HDX: variants seen among roughly 807,000 people sequenced by gnomAD.
HDX encodes chromosome X open reading frame 43.
HDX carries 19 observed loss-of-function variants against 45.2 expected under a neutral mutation model. The observed-to-expected ratio is 0.42, with a 90% CI of 0.29 to 0.62. The LOEUF is 0.62. HDX is among the 20% of genes least tolerant of loss of function. The pLI, the probability that HDX is intolerant of heterozygous loss-of-function variation, is 0.20. For synonymous variants in HDX, 188 were observed against 172.8 expected (o/e 1.09, Z -0.69); for missense variants, 532 against 493.9 (o/e 1.08, Z -0.73).
chrX:84,390,271 A>G (rs1416885273), intron 5 of HDX, among the ~76,000 whole-genome samples: 1 of 111,508 alleles, frequency 9.0e-6, no homozygotes. Context: ...GTTTTAAAGT[A>G]TACAGTTTTA....
intron 3 of HDX, among the ~76,000 whole-genome samples, chrX:84,473,849 T>C (rs2040496376): frequency 9.0e-6 from 1 of 111,495 alleles, no homozygotes; most frequent in African/African-American, 3.3e-5. Flanking sequence ...CATCAACCCA[T>C]TTTATATTAC....
chrX:84,384,935 C>A (rs5922982), intron 5 of HDX, among the ~76,000 whole-genome samples: 12,080 of 109,321 alleles, frequency 0.11, 625 homozygotes, highest in East Asian at 0.26. Flanking sequence ...TGTAGCCTTA[C>A]AGTATTGTCT....
chrX:84,500,253 G>A (rs771719781), intron 1 of HDX: 1 of 110,187 alleles, frequency 9.1e-6, no homozygotes, highest in East Asian at 2.9e-4. Flanking sequence ...GCTTTCACAT[G>A]TATACAGTTC....
intron 5 of HDX, chrX:84,440,304 G>A: frequency 3.4e-6 from 1 of 291,800 alleles, no homozygotes. Context: ...TTTTAAAACT[G>A]AGAAAACTGC....
chrX:84,434,934 A>G (rs1019546746), intron 5 of HDX, among the ~76,000 whole-genome samples: 2 of 110,544 alleles, frequency 1.8e-5, no homozygotes, highest in African/African-American at 6.6e-5. Flanking sequence ...CATTTCTTTC[A>G]GGTTTTCTAA....
intron 2 of HDX, among the ~76,000 whole-genome samples, chrX:84,487,566 T>C (rs1260663046): frequency 2.7e-5 from 3 of 112,144 alleles, no homozygotes; most frequent in Non-Finnish European, 3.8e-5. Flanking sequence ...GGTGGTGGTT[T>C]CAATGTCAAT....
intron 2 of HDX, among the ~76,000 whole-genome samples, chrX:84,476,544 CAAA>C (rs376973856): frequency 1.8e-4 from 7 of 38,061 alleles, no homozygotes; most frequent in African/African-American, 6.0e-4. Flanking sequence ...AACTCTGTCT[CAAA>C]AAAAAAAAAA....
chrX:84,490,419 A>T (rs1869423487), intron 1 of HDX, among the ~76,000 whole-genome samples: 1 of 111,747 alleles, frequency 8.9e-6, no homozygotes, highest in African/African-American at 3.2e-5. Flanking sequence ...TTATTGCTAC[A>T]CATTTTGCTT....
intron 5 of HDX, among the ~76,000 whole-genome samples, chrX:84,437,969 C>T (rs998672280): frequency 8.1e-5 from 9 of 111,159 alleles, no homozygotes; most frequent in Non-Finnish European, 1.5e-4. Context: ...TTATTGTCAG[C>T]AAAACTTCCA....
chrX:84,364,491 CTTTTTT>C (rs1169466223), intron 5 of HDX, among the ~76,000 whole-genome samples: 1 of 48,236 alleles, frequency 2.1e-5, no homozygotes, highest in Non-Finnish European at 3.4e-5. Flanking sequence ...AGTTATTCAC[CTTTTTT>C]TTTTTTTTTT....
intron 8 of HDX, among the ~76,000 whole-genome samples, 197 bp downstream of exon 8, chrX:84,336,604 A>G (rs764238384): frequency 9.0e-6 from 1 of 111,728 alleles, no homozygotes; most frequent in East Asian, 2.8e-4. Flanking sequence ...CAATCAAAAA[A>G]TTAGTGATAC....
At chrX:84,361,256 A>C (rs2037616024) in intron 6 of HDX, among the ~76,000 whole-genome samples, 1 of 111,482 alleles carries the variant, frequency 9.0e-6, no homozygotes, top group East Asian at 2.8e-4. Flanking sequence ...AAATTGGGTT[A>C]TTTGCAATTT....
chrX:84,440,485 AGCAC>A, intron 5 of HDX, 43 bp downstream of exon 5: 1 of 903,785 alleles, frequency 1.1e-6, no homozygotes, highest in Non-Finnish European at 1.6e-6. Context: ...TTTTACTAAC[AGCAC>A]AAGGGGAAAC....
chrX:84,420,332 C>A (rs974449815), intron 5 of HDX, among the ~76,000 whole-genome samples: 1 of 111,493 alleles, frequency 9.0e-6, no homozygotes, highest in Non-Finnish European at 1.9e-5. Flanking sequence ...CTGAAAAATG[C>A]AATGGGCATA....
chrX:84,319,957 T>A lies in HDX; in HGVS notation c.*1932A>T, dbSNP rs952104107. 2.7e-5 allele frequency: 3 copies of A among 110,940 alleles called. No individual in the cohort carries two copies. Among genetic ancestry groups the A allele is most frequent in the Non-Finnish European group, 5.7e-5 (3 of 52,508 alleles). The allele number at this position is 110,940 out of a possible 1,213,427, so 9.1% of individuals were successfully genotyped here. ...CTGTAGGAGAGAATATACCTATAGT[T>A]AATTTGCAATGAGAACCAAATAAGA... is the stretch of plus-strand genomic sequence containing the variant. On this transcript the variant is annotated 3_prime_UTR_variant, in exon 11 of 11. Transcript: ENST00000373177.
At chrX:84,391,260 G>A (rs1039696239) in intron 5 of HDX, among the ~76,000 whole-genome samples, 4 of 111,196 alleles carry the variant, frequency 3.6e-5, no homozygotes, top group Non-Finnish European at 7.6e-5. Context: ...TTCCATCCAC[G>A]TTGCTGCAAA....
At chrX:84,352,502 G>A (rs1429329465) in intron 6 of HDX, among the ~76,000 whole-genome samples, 1 of 110,586 alleles carries the variant, frequency 9.0e-6, no homozygotes, top group Admixed American at 9.7e-5. Context: ...AATTTTTGTA[G>A]GTATATATTA....
At chrX:84,378,754 C>T (rs2038118002) in intron 5 of HDX, among the ~76,000 whole-genome samples, 1 of 111,040 alleles carries the variant, frequency 9.0e-6, no homozygotes, top group South Asian at 3.7e-4. Context: ...GAGAAGACCA[C>T]AAAACAAACA....
At chrX:84,471,918 T>G (rs185848392) in intron 3 of HDX, among the ~76,000 whole-genome samples, 1 of 111,539 alleles carries the variant, frequency 9.0e-6, no homozygotes, top group Admixed American at 9.6e-5. Context: ...TTACAAATAT[T>G]CAAAATAAGT....
Sources: gnomAD v4.1 joint callset for allele counts (sites outside exome capture counted in the v4.1 genomes callset) on GRCh38, gnomAD v4.1.1 for gene constraint, MANE v1.5 for transcripts, NCBI Gene and HGNC (gene_info 2026-07-23, HGNC 2026-07-21) for gene names.